SH3PXD2B: variants seen among roughly 807,000 people sequenced by gnomAD.
The protein encoded by SH3PXD2B is SH3 and PX domains 2B.
Under a neutral mutation model 73.1 loss-of-function variants are expected in SH3PXD2B, and 37 were observed. That is an observed-to-expected ratio of 0.51 (90% CI 0.39 to 0.67). SH3PXD2B has a LOEUF of 0.67. Among genes scored for constraint, SH3PXD2B ranks in the 30% least tolerant of loss-of-function variants. The pLI, the probability that SH3PXD2B is intolerant of heterozygous loss-of-function variation, is 0.00. For missense variants in SH3PXD2B, 1,053 were observed against 1,197.8 expected (o/e 0.88, Z 1.78); for synonymous variants, 457 against 480.5 (o/e 0.95, Z 0.64).
rs572250218 is a variant in SH3PXD2B at position 172,336,990 on chromosome 5, A to G, written c.*1379T>C. 1.0e-4 allele frequency: 99 copies of G among 985,366 alleles called. No individual in the cohort carries two copies. Among genetic ancestry groups the G allele is most frequent in the Non-Finnish European group, 1.2e-4 (98 of 829,986 alleles). 61.0% of individuals were successfully genotyped at this position (985,366 alleles called of 1,614,324 possible). A position where few individuals can be genotyped will look rare whatever the true frequency, so the allele number is the denominator to read the frequency against. ...CTGGCCCTTGGTTACCTGCCTCCCT[A>G]TGGGACCGCTGCATGCTATGCTCAG... is the stretch of plus-strand genomic sequence containing the variant. On this transcript the variant is annotated 3_prime_UTR_variant, in exon 13 of 13. Coordinates refer to ENST00000311601, the MANE Select transcript of SH3PXD2B (RefSeq NM_001017995.3).
At chr5:172,343,202 C>G (rs1372823079) in intron 12 of SH3PXD2B, among the ~76,000 whole-genome samples, 1 of 152,180 alleles carries the variant, frequency 6.6e-6, no homozygotes, top group Non-Finnish European at 1.5e-5. Flanking sequence ...TAAATGTAAG[C>G]TGTTTATGTG....
At chr5:172,426,264 C>T (rs1220689286) in intron 1 of SH3PXD2B, among the ~76,000 whole-genome samples, 1 of 152,218 alleles carries the variant, frequency 6.6e-6, no homozygotes, top group African/African-American at 2.4e-5. Flanking sequence ...GCTGCCCTAG[C>T]GTAGGGCTTT....
intron 2 of SH3PXD2B, among the ~76,000 whole-genome samples, chr5:172,416,696 CTTTTTTTTTTTTTTTTTT>C (rs202242720): frequency 6.4e-5 from 4 of 62,260 alleles, no homozygotes; most frequent in Non-Finnish European, 1.2e-4. Context: ...CTCTCTCTCT[CTTTTTTTTTTTTTTTTTT>C]TTTTTTTTTT....
At chr5:172,417,417 C>T (rs1758850696) in intron 2 of SH3PXD2B, among the ~76,000 whole-genome samples, 1 of 152,202 alleles carries the variant, frequency 6.6e-6, no homozygotes, top group Non-Finnish European at 1.5e-5. Context: ...TGAAGAAAGC[C>T]AAGTCCTCAT....
chr5:172,395,990 G>A (rs1758286295), intron 3 of SH3PXD2B, among the ~76,000 whole-genome samples: 1 of 152,064 alleles, frequency 6.6e-6, no homozygotes, highest in Non-Finnish European at 1.5e-5. Context: ...ATTGATCTAA[G>A]ACGGTTTCTG....
chr5:172,401,985 T>C (rs1445963756), intron 3 of SH3PXD2B, among the ~76,000 whole-genome samples: 2 of 152,152 alleles, frequency 1.3e-5, no homozygotes, highest in African/African-American at 2.4e-5. Context: ...AACAGCAATG[T>C]TGAGGGAACA....
chr5:172,359,919 C>G (rs1054275034), intron 7 of SH3PXD2B, among the ~76,000 whole-genome samples: 3 of 152,206 alleles, frequency 2.0e-5, no homozygotes, highest in African/African-American at 7.2e-5. Context: ...AGGAAAGACA[C>G]AGAGAGGTGC....
intron 3 of SH3PXD2B, among the ~76,000 whole-genome samples, chr5:172,402,453 C>T (rs569845922): frequency 6.6e-6 from 1 of 152,278 alleles, no homozygotes; most frequent in East Asian, 1.9e-4. Flanking sequence ...TGACCCACAC[C>T]CTATTCGTAC....
At chr5:172,360,838 A>C (rs1198384094) in intron 7 of SH3PXD2B, among the ~76,000 whole-genome samples, 2 of 152,194 alleles carry the variant, frequency 1.3e-5, no homozygotes, top group Non-Finnish European at 2.9e-5. Context: ...TCTCCAAAAA[A>C]ACTAAATAAG....
intron 2 of SH3PXD2B, among the ~76,000 whole-genome samples, chr5:172,412,087 T>G (rs1027318489): frequency 6.6e-6 from 1 of 152,226 alleles, no homozygotes; most frequent in Non-Finnish European, 1.5e-5. Flanking sequence ...GACTGGCATA[T>G]TTCACTTAGC....
In SH3PXD2B at chr5:172,339,571, A is replaced by T; in HGVS notation, c.1534T>A (p.Ser512Thr). 1 of 1,614,196 alleles carries T rather than the reference A, an allele frequency of 6.2e-7. No homozygotes were observed. Among genetic ancestry groups the T allele is most frequent in the Non-Finnish European group, 8.5e-7 (1 of 1,180,040 alleles). Residue 512 changes from serine (S) to threonine (T), a missense_variant, in exon 13 of 13, where the codon TCA (serine) becomes ACA (threonine). Physicochemically the swap from Ser to Thr is moderately conservative, Grantham distance 58. Coordinates refer to ENST00000311601, the MANE Select transcript of SH3PXD2B (RefSeq NM_001017995.3). This position sits in a 1 kb window ranked among gnomAD's most constrained non-coding sequence, Gnocchi z 6.1. ...MSASAGYEEI[S>T]DPDMEEKPSL... ...GGCTTCTCCTCCATGTCGGGGTCTG[A>T]GATCTCCTCGTAGCCTGCTGACGCA...
intron 6 of SH3PXD2B, among the ~76,000 whole-genome samples, chr5:172,367,710 T>C (rs566260975): frequency 2.6e-5 from 4 of 152,176 alleles, no homozygotes; most frequent in Admixed American, 1.3e-4. Flanking sequence ...CCCCAGACAA[T>C]GGGATATAAG....
intron 9 of SH3PXD2B, among the ~76,000 whole-genome samples, chr5:172,351,521 A>ATCTC (rs1180554188): frequency 5.3e-5 from 8 of 152,156 alleles, no homozygotes; most frequent in African/African-American, 1.9e-4. Context: ...AGTTGGGCAC[A>ATCTC]TCTCTCCCAA....
chr5:172,431,013 C>T (rs1303000585), intron 1 of SH3PXD2B, among the ~76,000 whole-genome samples: 1 of 152,092 alleles, frequency 6.6e-6, no homozygotes, highest in Non-Finnish European at 1.5e-5. Context: ...ATTACAGGCG[C>T]CCATCACCAC....
chr5:172,439,589 G>A (rs538873259), intron 1 of SH3PXD2B, among the ~76,000 whole-genome samples: 1 of 152,102 alleles, frequency 6.6e-6, no homozygotes, highest in Admixed American at 6.5e-5. Flanking sequence ...ATCTTCCTTG[G>A]GCCAACTCAA....
chr5:172,423,544 T>TGG (rs1759021626), intron 1 of SH3PXD2B, among the ~76,000 whole-genome samples: 19 of 75,122 alleles, frequency 2.5e-4, no homozygotes, highest in African/African-American at 1.2e-3. Flanking sequence ...GGATACGGGG[T>TGG]TGGGGGGGGG....
intron 3 of SH3PXD2B, among the ~76,000 whole-genome samples, chr5:172,404,207 C>T (rs1054673693): frequency 2.0e-5 from 3 of 152,172 alleles, no homozygotes; most frequent in African/African-American, 7.2e-5. Flanking sequence ...CCTGAAGAAC[C>T]CACTATGTTC....
Position 172,353,248 on chromosome 5 carries a change from G to A in SH3PXD2B, c.785+640C>T, listed in dbSNP as rs1323376579. Among the ~76,000 whole-genome samples, 1 of 152,210 alleles carries A rather than the reference G, an allele frequency of 6.6e-6. No homozygotes were observed. Among genetic ancestry groups the A allele is most frequent in the Non-Finnish European group, 1.5e-5 (1 of 68,042 alleles). On this transcript the variant is annotated intron_variant, in intron 9 of 12. Coordinates refer to ENST00000311601, the MANE Select transcript of SH3PXD2B (RefSeq NM_001017995.3). This position sits in a 1 kb window ranked among gnomAD's most constrained non-coding sequence, Gnocchi z 4.3. ...ATCACAGCGCAGACACTAGATTGCA[G>A]GGACCTCGGCTTCCTCTCTTGCCCT... is the stretch of plus-strand genomic sequence containing the variant.
In SH3PXD2B at chr5:172,336,854, C is replaced by T. The variant is rs2113243978; in HGVS notation, c.*1515G>A. ...CATGCCTCTCCAGACCTCAGTTTGA[C>T]AGATGACCACATCTGCCCTGGGTTT... is the stretch of plus-strand genomic sequence containing the variant. On this transcript the variant is annotated 3_prime_UTR_variant, in exon 13 of 13. Coordinates refer to ENST00000311601, the MANE Select transcript of SH3PXD2B (RefSeq NM_001017995.3). 5 of 985,458 alleles carry T rather than the reference C, an allele frequency of 5.1e-6. No individual in the cohort carries two copies. Among genetic ancestry groups the T allele is most frequent in the Non-Finnish European group, 6.0e-6 (5 of 829,968 alleles). The allele number at this position is 985,458 out of a possible 1,614,324, so 61.0% of individuals were successfully genotyped here. A position where few individuals can be genotyped will look rare whatever the true frequency, so the allele number is the denominator to read the frequency against.
Sources: gnomAD v4.1 joint callset for allele counts (sites outside exome capture counted in the v4.1 genomes callset) on GRCh38, gnomAD v4.1.1 for gene constraint, Gnocchi (gnomAD v3.1) non-coding constraint, MANE v1.5 for transcripts, NCBI Gene and HGNC (gene_info 2026-07-23, HGNC 2026-07-21) for gene names.